Variants in PCDHA12 observed in about 807,000 individuals in gnomAD.
The protein encoded by PCDHA12 is protocadherin alpha 12, also known as protocadherin alpha-12.
Under a neutral mutation model 60.0 loss-of-function variants are expected in PCDHA12, and 44 were observed. That is an observed-to-expected ratio of 0.73 (90% CI 0.58 to 0.94). PCDHA12 has a LOEUF of 0.94. Among genes scored for constraint, PCDHA12 ranks in the 40% least tolerant of loss-of-function variants. The pLI, the probability that PCDHA12 is intolerant of heterozygous loss-of-function variation, is 0.00. For missense variants in PCDHA12, 1,276 were observed against 1,239.7 expected (o/e 1.03, Z -0.44); for synonymous variants, 569 against 553.0 (o/e 1.03, Z -0.40).
chr5:140,875,518 C>T lies in PCDHA12; in HGVS notation c.46C>T (p.Leu16Phe). ...AGGCCCGGGATCCCAGCGTCTGCTG[C>T]TCTCGCTTCTGCTCCTTGCAGCCTG... Reference protein sequence around the residue: ...PRGPGSQRLLLSLLLLAAWEV... With the variant: ...PRGPGSQRLLFSLLLLAAWEV... The change falls in exon 1 of 4, where the codon CTC becomes TTC. Residue 16 changes from leucine to phenylalanine, a missense_variant. Coordinates refer to ENST00000398631, the MANE Select transcript of PCDHA12 (RefSeq NM_018903.4). 6.2e-7 allele frequency: 1 copy of T among 1,614,008 alleles called. No individual in the cohort carries two copies. The highest frequency in any genetic ancestry group is 8.5e-7 in the Non-Finnish European group (1 of 1,179,916).
chr5:140,930,654 C>T (rs1229167848), intron 1 of PCDHA12, among the ~76,000 whole-genome samples: 1 of 152,106 alleles, frequency 6.6e-6, no homozygotes, highest in Non-Finnish European at 1.5e-5. Context: ...ATGAAGCATT[C>T]CTTGTTTTAC....
chr5:140,905,826 T>C (rs782149349), intron 1 of PCDHA12, among the ~76,000 whole-genome samples: 8 of 152,170 alleles, frequency 5.3e-5, no homozygotes, highest in Non-Finnish European at 7.3e-5. Flanking sequence ...TAGATGTGTA[T>C]ATAAAGGGGA....
intron 1 of PCDHA12, chr5:140,884,436 G>A (rs782218831): frequency 6.2e-7 from 1 of 1,613,888 alleles, no homozygotes; most frequent in East Asian, 2.2e-5. Flanking sequence ...GCGCTGCGGT[G>A]CTCGGCACCG....
intron 1 of PCDHA12, among the ~76,000 whole-genome samples, chr5:140,909,116 T>C (rs1273091505): frequency 6.6e-6 from 1 of 152,182 alleles, no homozygotes; most frequent in African/African-American, 2.4e-5. Context: ...ATCAGCAAAA[T>C]GTCATCAAGG....
At chr5:140,924,901 A>AT (rs1554202312) in intron 1 of PCDHA12, among the ~76,000 whole-genome samples, 3 of 80,456 alleles carry the variant, frequency 3.7e-5, no homozygotes, top group African/African-American at 8.6e-5. Context: ...TCTCAAAAAA[A>AT]AAAATAAAAT....
Position 140,877,155 on chromosome 5 carries a change from C to A in PCDHA12, c.1683C>A (p.Asn561Lys). ...TGTTCGTGCTGGACGAGAACGACAACGCGCCGGCACTGCTGGCGACTCCGG... is the reference window on the plus strand; with the variant it reads ...TGTTCGTGCTGGACGAGAACGACAAAGCGCCGGCACTGCTGGCGACTCCGG... ...LQVFVLDENDNAPALLATPAG... is the reference protein window; with the variant it reads ...LQVFVLDENDKAPALLATPAG... The change falls in exon 1 of 4, where the codon AAC (asparagine) becomes AAA (lysine). Residue 561 changes from asparagine to lysine, a missense_variant. Asn to Lys is a moderately conservative substitution (Grantham distance 94, BLOSUM62 0). Coordinates refer to ENST00000398631, the MANE Select transcript of PCDHA12 (RefSeq NM_018903.4). 1 of 1,613,798 alleles carries A rather than the reference C, an allele frequency of 6.2e-7. No individual in the cohort carries two copies. Among genetic ancestry groups the A allele is most frequent in the Non-Finnish European group, 8.5e-7 (1 of 1,179,840 alleles).
chr5:140,925,647 A>AATAATAATC (rs1477954591), intron 1 of PCDHA12, among the ~76,000 whole-genome samples: 5 of 123,794 alleles, frequency 4.0e-5, no homozygotes, highest in Non-Finnish European at 7.0e-5. Flanking sequence ...AAAGTATAAT[A>AATAATAATC]ATAATAATAA....
intron 1 of PCDHA12, among the ~76,000 whole-genome samples, chr5:140,885,158 T>C (rs1250241606): frequency 6.6e-6 from 1 of 152,198 alleles, no homozygotes; most frequent in African/African-American, 2.4e-5. Flanking sequence ...TGATTGTCTC[T>C]ACTTTTTTGT....
intron 1 of PCDHA12, chr5:140,929,256 A>T (rs572411725): frequency 1.9e-6 from 3 of 1,613,220 alleles, no homozygotes; most frequent in Non-Finnish European, 2.5e-6. Context: ...CTGGGGTAGG[A>T]CTGAATTTGC....
intron 1 of PCDHA12, among the ~76,000 whole-genome samples, chr5:140,961,220 G>T (rs2095597952): frequency 6.6e-6 from 1 of 152,032 alleles, no homozygotes; most frequent in Non-Finnish European, 1.5e-5. Flanking sequence ...GAAGAAACTG[G>T]GTCCCAAAAA....
chr5:140,927,702 C>A lies in PCDHA12; in HGVS notation c.2367+49863C>A, dbSNP rs533775539. ...AAGGGTCCAATGGGGAAGTCCAGTACTCCCTAAGCAACAGCACGCAAGCAG... is the reference window on the plus strand; with the variant it reads ...AAGGGTCCAATGGGGAAGTCCAGTAATCCCTAAGCAACAGCACGCAAGCAG... On this transcript the variant is annotated intron_variant, in intron 1 of 3. Coordinates refer to ENST00000398631, the MANE Select transcript of PCDHA12 (RefSeq NM_018903.4). 6.8e-6 allele frequency: 11 copies of A among 1,614,092 alleles called. 1 individual carries two copies. The South Asian group carries it at 1.2e-4, about 18-fold the overall frequency.
chr5:140,956,852 G>A (rs931766503), intron 1 of PCDHA12, among the ~76,000 whole-genome samples: 1 of 152,062 alleles, frequency 6.6e-6, no homozygotes. Flanking sequence ...TGGGTTAAAT[G>A]GTTGAATGAA....
rs1169981457 is a variant in PCDHA12, at chr5:140,955,139, G to GT, written c.2368-23805dup. ...TTCTGTTCCACTGGTCTACACGTCT[G>GT]TTTTTGTACCAGTACCGTGCTGTTT... On this transcript the variant is annotated intron_variant, in intron 1 of 3. Coordinates refer to ENST00000398631, the MANE Select transcript of PCDHA12 (RefSeq NM_018903.4). Among the ~76,000 whole-genome samples the GT allele has an allele frequency of 2.0e-5, 3 of 152,138 alleles. No homozygotes were observed. The East Asian group carries it at 5.8e-4, about 29-fold the overall frequency.
intron 3 of PCDHA12, among the ~76,000 whole-genome samples, chr5:141,001,534 G>A (rs2098024616): frequency 6.6e-6 from 1 of 152,180 alleles, no homozygotes; most frequent in African/African-American, 2.4e-5. Flanking sequence ...CTCTGATCCT[G>A]GACAGGATTT....
In PCDHA12 at chr5:141,010,605, A is replaced by G. The variant is rs2098417765; in HGVS notation, c.*668A>G. ...AAAGTCTGTTGGCTGTGACGTCATT[A>G]TACCTAAAATCTGCATCATACCTGC... On this transcript the variant is annotated 3_prime_UTR_variant, in exon 4 of 4. Transcript: ENST00000398631. 1 of 206,202 alleles carries G rather than the reference A, an allele frequency of 4.8e-6. No individual in the cohort carries two copies. Among genetic ancestry groups the G allele is most frequent in the Non-Finnish European group, 9.9e-6 (1 of 101,122 alleles). 12.8% of individuals were successfully genotyped at this position (206,202 alleles called of 1,614,324 possible). A position where few individuals can be genotyped will look rare whatever the true frequency, so the allele number is the denominator to read the frequency against.
intron 3 of PCDHA12, among the ~76,000 whole-genome samples, chr5:140,986,690 AAC>A (rs2097209708): frequency 6.6e-6 from 1 of 152,172 alleles, no homozygotes; most frequent in South Asian, 2.1e-4. Context: ...AAAGTTTCAA[AAC>A]ACACAGCACT....
intron 3 of PCDHA12, among the ~76,000 whole-genome samples, chr5:141,003,829 A>G (rs1220753607): frequency 1.3e-5 from 2 of 152,184 alleles, no homozygotes; most frequent in Admixed American, 6.5e-5. Flanking sequence ...GGCTCTGCCT[A>G]ACGATTCAGA....
intron 1 of PCDHA12, among the ~76,000 whole-genome samples, chr5:140,953,228 G>A (rs2094861370): frequency 6.6e-6 from 1 of 152,124 alleles, no homozygotes; most frequent in South Asian, 2.1e-4. Flanking sequence ...CTTCTGCTTG[G>A]TAGCAGTTCA....
chr5:140,881,480 TTG>T, intron 1 of PCDHA12: 2 of 445,316 alleles, frequency 4.5e-6, no homozygotes, highest in Non-Finnish European at 5.9e-6. Context: ...GGCTAAATTA[TTG>T]TGTTTATGCA....
Sources: allele counts gnomAD v4.1 joint callset (sites outside exome capture counted in the v4.1 genomes callset), GRCh38; gene constraint gnomAD v4.1.1; transcripts MANE v1.5; gene names NCBI Gene and HGNC (gene_info 2026-07-23, HGNC 2026-07-21).